Variants in CFAP251 observed in about 807,000 individuals in gnomAD.
The protein encoded by CFAP251 is cilia- and flagella-associated protein 251.
In CFAP251, 93 loss-of-function variants were observed where a neutral mutation model predicts 126.7. The ratio of observed to expected loss-of-function variants is 0.73; its 90% confidence interval spans 0.62 to 0.87. The LOEUF is 0.87. Among genes scored for constraint, CFAP251 ranks in the 40% least tolerant of loss-of-function variants. CFAP251 has a pLI of 0.00. For missense variants in CFAP251, 1,287 were observed against 1,389.2 expected (o/e 0.93, Z 1.17); for synonymous variants, 503 against 506.9 (o/e 0.99, Z 0.10).
At chr12:121,928,423 GAAATTGGCC>G (rs958258560) in intron 3 of CFAP251, among the ~76,000 whole-genome samples, 3 of 151,776 alleles carry the variant, frequency 2.0e-5, no homozygotes, top group African/African-American at 4.8e-5. Flanking sequence ...GTAGGAGAGA[GAAATTGGCC>G]ACATTACCTG....
At position 121,968,183 on chromosome 12, in the gene CFAP251, C is replaced by T. The variant is rs775900741; in HGVS notation, c.2771+14C>T. ...AATCACCTTAAGGTACACGATGGGGCGAGAAGGAAGGTATCAAGTGTAAAC... is the reference window on the plus strand; with the variant it reads ...AATCACCTTAAGGTACACGATGGGGTGAGAAGGAAGGTATCAAGTGTAAAC... On this transcript the variant is annotated intron_variant, in intron 17 of 21. Coordinates refer to ENST00000288912, the MANE Select transcript of CFAP251 (RefSeq NM_144668.6). 8.8e-6 allele frequency: 14 copies of T among 1,586,782 alleles called. No individual in the cohort carries two copies. The highest frequency in any genetic ancestry group is 1.7e-4 in the Middle Eastern group (1 of 5,900).
chr12:121,928,381 A>T (rs1438417488), intron 3 of CFAP251, among the ~76,000 whole-genome samples: 1 of 151,992 alleles, frequency 6.6e-6, no homozygotes, highest in African/African-American at 2.4e-5. Flanking sequence ...GAATGAGCAG[A>T]TGGAAACAGG....
intron 19 of CFAP251, among the ~76,000 whole-genome samples, chr12:121,993,847 G>C (rs1882950329): frequency 7.7e-6 from 1 of 129,538 alleles, no homozygotes; most frequent in Non-Finnish European, 1.7e-5. Flanking sequence ...AGGGAGGTGG[G>C]GGGGGTCAGC....
At chr12:121,932,225 C>G (rs370226825) in intron 4 of CFAP251, 2 of 160,192 alleles carry the variant, frequency 1.2e-5, no homozygotes, top group Admixed American at 1.3e-4. Context: ...GCCGACCTCA[C>G]GGACACTTAC....
At chr12:121,969,860 G>C (rs1882275434) in intron 17 of CFAP251, 1 of 985,280 alleles carries the variant, frequency 1.0e-6, no homozygotes, top group South Asian at 4.7e-5. Flanking sequence ...AGAAAAAAAG[G>C]CCTCTGCTTT....
intron 2 of CFAP251, 27 bp from the exon 3 acceptor site, chr12:121,923,593 GAA>G: frequency 6.3e-7 from 1 of 1,579,942 alleles, no homozygotes; most frequent in Non-Finnish European, 8.6e-7. Context: ...AGCACATATG[GAA>G]TCATGATATT....
intron 15 of CFAP251, among the ~76,000 whole-genome samples, chr12:121,963,118 T>C (rs549912739): frequency 2.0e-5 from 3 of 152,228 alleles, no homozygotes; most frequent in African/African-American, 7.2e-5. Context: ...GAGAGCAGAC[T>C]CTGGGGCGCA....
At chr12:121,936,205 C>A (rs557042661) in intron 5 of CFAP251, among the ~76,000 whole-genome samples, 1 of 152,086 alleles carries the variant, frequency 6.6e-6, no homozygotes, top group Non-Finnish European at 1.5e-5. Context: ...ACTTTGGGAG[C>A]CTCCCAGCAC....
chr12:121,978,437 C>G (rs1187529112), intron 19 of CFAP251, among the ~76,000 whole-genome samples: 1 of 124,198 alleles, frequency 8.1e-6, no homozygotes, highest in African/African-American at 3.1e-5. Context: ...CGAAAACATG[C>G]TTTTTAAAGG....
chr12:121,928,640 A>G (rs1332365128), intron 3 of CFAP251, among the ~76,000 whole-genome samples: 166 of 16,070 alleles, frequency 0.01, 2 homozygotes, highest in South Asian at 0.042. Context: ...ATATATACGT[A>G]TATATATATA....
chr12:121,949,620 T>G (rs1344291924), intron 8 of CFAP251: 1 of 152,132 alleles, frequency 6.6e-6, no homozygotes, highest in African/African-American at 2.4e-5. Flanking sequence ...CAGTGGCTCA[T>G]GACTGTACTT....
rs568238189 is a variant in CFAP251 at position 121,948,802 on chromosome 12, CT to C, written c.1192-181del. The C allele has an allele frequency of 1.6e-4, 69 of 444,820 alleles. No individual in the cohort carries two copies. In the South Asian group the frequency reaches 2.1e-3, roughly 14 times the overall value. The allele number at this position is 444,820 out of a possible 1,614,324, so 27.6% of individuals were successfully genotyped here. A position where few individuals can be genotyped will look rare whatever the true frequency, so the allele number is the denominator to read the frequency against. On this transcript the variant is annotated intron_variant, in intron 7 of 21. Transcript: ENST00000288912. ...AACTGGAAAGGGAACACATTTGACA[CT>C]GTTTATTTTAATCACCAGTATTTAA... is the stretch of plus-strand genomic sequence containing the variant.
rs1882827220 is a variant in CFAP251, at chr12:121,989,560, GC to G, written c.3007-10151del. Among the ~76,000 whole-genome samples the G allele has an allele frequency of 6.6e-6, 1 of 152,280 alleles. No homozygotes were observed. Among genetic ancestry groups the G allele is most frequent in the Non-Finnish European group, 1.5e-5 (1 of 68,008 alleles). Reference sequence around the variant, plus strand: ...TGCAGTGACGCTGCCCAGCCCTTACGCCCCCTCCTCAGCCCACTACTCCCTG... The same window carrying G: ...TGCAGTGACGCTGCCCAGCCCTTACGCCCCTCCTCAGCCCACTACTCCCTG... On this transcript the variant is annotated intron_variant, in intron 19 of 21. Transcript: ENST00000288912. This position sits in a 1 kb window ranked among gnomAD's most constrained non-coding sequence, Gnocchi z 4.2.
At position 121,949,027 on chromosome 12, in the gene CFAP251, G is replaced by A. The variant is rs1185622416; in HGVS notation, c.1235G>A (p.Ser412Asn). 3.8e-6 allele frequency: 6 copies of A among 1,588,624 alleles called. No individual in the cohort carries two copies. The South Asian group carries it at 4.6e-5, about 12-fold the overall frequency. The change falls in exon 8 of 22, where the codon AGC (serine) becomes AAC (asparagine). Residue 412 changes from serine to asparagine, a missense_variant. Transcript: ENST00000288912. ...FNPTNNKELV[S>N]NSKTRAIYYA... ...CCAACAAATAATAAAGAATTGGTGAGCAATAGTAAAACACGGGCAATATAT... is the reference window on the plus strand; with the variant it reads ...CCAACAAATAATAAAGAATTGGTGAACAATAGTAAAACACGGGCAATATAT...
intron 19 of CFAP251, among the ~76,000 whole-genome samples, chr12:121,993,758 C>T (rs1882941706): frequency 6.6e-6 from 1 of 150,756 alleles, no homozygotes; most frequent in Non-Finnish European, 1.5e-5. Flanking sequence ...AAGTGAGGAG[C>T]CCCTCTGCCC....
intron 1 of CFAP251, among the ~76,000 whole-genome samples, chr12:121,919,098 C>G (rs1880044294): frequency 7.4e-6 from 1 of 134,414 alleles, no homozygotes; most frequent in Admixed American, 7.6e-5. Context: ...CTCAGAGCCT[C>G]AAACTCATTT....
At chr12:121,976,857 G>A (rs142397051) in intron 19 of CFAP251, among the ~76,000 whole-genome samples, 15 of 152,272 alleles carry the variant, frequency 9.9e-5, no homozygotes, top group African/African-American at 2.9e-4. Context: ...TTCAGTGCCC[G>A]TGATTGTGCC....
At chr12:121,986,442 C>T (rs1356336276) in intron 19 of CFAP251, among the ~76,000 whole-genome samples, 3 of 151,382 alleles carry the variant, frequency 2.0e-5, no homozygotes, top group Non-Finnish European at 4.4e-5. Flanking sequence ...GGACTACAGG[C>T]ACCCGCCACC....
intron 21 of CFAP251, 115 bp from the exon 22 acceptor site, chr12:122,003,537 C>A: frequency 1.4e-6 from 1 of 712,662 alleles, no homozygotes; most frequent in Non-Finnish European, 2.4e-6. Flanking sequence ...CGTGTCACTG[C>A]ACTCCAGCCT....
Sources: allele counts gnomAD v4.1 joint callset (sites outside exome capture counted in the v4.1 genomes callset), GRCh38; gene constraint gnomAD v4.1.1; non-coding constraint Gnocchi (gnomAD v3.1); transcripts MANE v1.5; gene names NCBI Gene and HGNC (gene_info 2026-07-23, HGNC 2026-07-21).